GRIK3: variants seen among roughly 807,000 people sequenced by gnomAD.
GRIK3 encodes the protein glutamate ionotropic receptor kainate type subunit 3.
Under a neutral mutation model 102.5 loss-of-function variants are expected in GRIK3, and 29 were observed. That is an observed-to-expected ratio of 0.28 (90% CI 0.21 to 0.39). The LOEUF (loss-of-function observed/expected upper bound fraction) is 0.39, where lower values mean the gene tolerates loss of function less well. GRIK3 is among the 10% of genes least tolerant of loss of function. The pLI, the probability that GRIK3 is intolerant of heterozygous loss-of-function variation, is 1.00. For missense variants in GRIK3, 908 were observed against 1,252.4 expected, an observed-to-expected ratio of 0.73 and a Z score of 4.15; for synonymous variants, 511 against 504.9, an observed-to-expected ratio of 1.01 and a Z score of -0.16.
chr1:36,839,513 C>T (rs1303026426), intron 10 of GRIK3, among the ~76,000 whole-genome samples: 2 of 151,778 alleles, frequency 1.3e-5, no homozygotes, highest in African/African-American at 2.4e-5. Flanking sequence ...TTCCTGAAGC[C>T]CCCTCCCCAG....
intron 1 of GRIK3, among the ~76,000 whole-genome samples, chr1:36,986,592 C>T (rs892095886): frequency 1.3e-5 from 2 of 152,194 alleles, no homozygotes; most frequent in Admixed American, 6.5e-5. Context: ...ACAATCTCTA[C>T]CCTCAAGGAG....
At chr1:36,949,532 G>GTCTT (rs1252071882) in intron 1 of GRIK3, among the ~76,000 whole-genome samples, 2 of 144,396 alleles carry the variant, frequency 1.4e-5, no homozygotes, top group African/African-American at 5.1e-5. Context: ...TACTTTGCAT[G>GTCTT]TCTTTCTTTT....
rs1642425597 is a variant in GRIK3 at position 36,800,246 on chromosome 1, C to T, written c.*1605G>A. Reference sequence around the variant, plus strand: ...AGGTGGGAGGGGAGTGGCTGGTATGCCCCAGTTCTCATCCAGAATCCCCAG... The same window carrying T: ...AGGTGGGAGGGGAGTGGCTGGTATGTCCCAGTTCTCATCCAGAATCCCCAG... On this transcript the variant is annotated 3_prime_UTR_variant, in exon 16 of 16. Coordinates refer to ENST00000373091, the MANE Select transcript of GRIK3 (RefSeq NM_000831.4). 3.9e-5 allele frequency: 6 copies of T among 152,138 alleles called. No individual in the cohort carries two copies. Among genetic ancestry groups the T allele is most frequent in the Admixed American group, 3.9e-4 (6 of 15,276 alleles). The allele number at this position is 152,138 out of a possible 1,614,324, so 9.4% of individuals were successfully genotyped here.
intron 1 of GRIK3, among the ~76,000 whole-genome samples, chr1:36,965,635 C>G (rs1231122148): frequency 6.6e-6 from 1 of 152,144 alleles, no homozygotes. Flanking sequence ...CATTTCTTCT[C>G]CATTTGACCC....
chr1:36,859,687 G>A (rs562793126), intron 6 of GRIK3, among the ~76,000 whole-genome samples, 157 bp downstream of exon 6: 5 of 152,152 alleles, frequency 3.3e-5, no homozygotes, highest in Non-Finnish European at 5.9e-5. Context: ...TCTGTTTCAC[G>A]TTTGTGTCCC....
rs116146489 is a variant in GRIK3, at chr1:36,948,266, C to T, written c.116-57170G>A. On this transcript the variant is annotated intron_variant, in intron 1 of 15. Coordinates refer to ENST00000373091, the MANE Select transcript of GRIK3 (RefSeq NM_000831.4). ...CTGAAGCACACTCTAGGAAGGCTGA[C>T]GCCCTACTATGTGCCAATGCTGGAG... 3.0e-3 allele frequency among the ~76,000 whole-genome samples: 459 copies of T among 152,302 alleles called. 5 individuals carry two copies. Among genetic ancestry groups the T allele is most frequent in the African/African-American group, 0.01 (417 of 41,562 alleles).
chr1:36,985,042 T>C (rs1472398077), intron 1 of GRIK3, among the ~76,000 whole-genome samples: 1 of 152,164 alleles, frequency 6.6e-6, no homozygotes, highest in Admixed American at 6.5e-5. Flanking sequence ...AAGATGATTC[T>C]GGGCACTGGC....
Position 36,947,307 on chromosome 1 carries a change from C to T in GRIK3, c.116-56211G>A, listed in dbSNP as rs115143069. ...GCATCTGCCCCTCCTCTTGCCCTGC[C>T]CCCATCACTACCTGCACCCAGGCCT... On this transcript the variant is annotated intron_variant, in intron 1 of 15. Coordinates refer to ENST00000373091, the MANE Select transcript of GRIK3 (RefSeq NM_000831.4). 4.1e-3 allele frequency among the ~76,000 whole-genome samples: 619 copies of T among 152,210 alleles called. 8 individuals are homozygous for T. The highest frequency in any genetic ancestry group is 0.014 in the African/African-American group (580 of 41,524).
chr1:36,830,904 G>T (rs1344573957), intron 10 of GRIK3, among the ~76,000 whole-genome samples: 1 of 150,940 alleles, frequency 6.6e-6, no homozygotes, highest in East Asian at 2.0e-4. Context: ...CGGAATAGCA[G>T]ATACAAGCCA....
intron 1 of GRIK3, among the ~76,000 whole-genome samples, chr1:36,896,579 G>T (rs565284751): frequency 6.6e-6 from 1 of 152,156 alleles, no homozygotes; most frequent in South Asian, 2.1e-4. Flanking sequence ...AGGCAGAAAA[G>T]GGCTGGAAGG....
chr1:36,874,896 A>G (rs1640896873), intron 3 of GRIK3, among the ~76,000 whole-genome samples: 1 of 152,214 alleles, frequency 6.6e-6, no homozygotes, highest in South Asian at 2.1e-4. Context: ...AAAGGAGACC[A>G]GAGGCTCCTC....
chr1:37,011,110 T>C (rs116878080), intron 1 of GRIK3, among the ~76,000 whole-genome samples: 2,020 of 152,284 alleles, frequency 0.013, 18 homozygotes, highest in Admixed American at 0.021. Context: ...AGCACTATGA[T>C]TGCACCAGGA....
chr1:36,856,057 G>C (rs756235402), intron 7 of GRIK3, among the ~76,000 whole-genome samples: 48 of 152,220 alleles, frequency 3.2e-4, no homozygotes, highest in Non-Finnish European at 5.3e-4. Context: ...GGGAGCTGGG[G>C]ACCGAGGGGT....
At chr1:37,002,228 G>T (rs183857509) in intron 1 of GRIK3, among the ~76,000 whole-genome samples, 320 of 152,226 alleles carry the variant, frequency 2.1e-3, no homozygotes, top group Non-Finnish European at 3.8e-3. Context: ...ATATAACAAA[G>T]AAAAAATTAG....
chr1:36,898,469 AC>A (rs1201906671), intron 1 of GRIK3, among the ~76,000 whole-genome samples: 1 of 152,184 alleles, frequency 6.6e-6, no homozygotes, highest in Non-Finnish European at 1.5e-5. Context: ...TCTATTATGT[AC>A]CCACAAAAAA....
intron 1 of GRIK3, among the ~76,000 whole-genome samples, chr1:36,964,457 C>T (rs1642059195): frequency 1.3e-5 from 2 of 152,214 alleles, no homozygotes; most frequent in African/African-American, 4.8e-5. Flanking sequence ...CATCCATAGA[C>T]AAGTCCGGCC....
rs1459734797 is a variant in GRIK3 at position 36,806,168 on chromosome 1, G to T, written c.2250C>A (p.Asn750Lys). ...STTIEYVTQRNCNLTQIGGLI... is the reference protein window; with the variant it reads ...STTIEYVTQRKCNLTQIGGLI... ...GGCCCCCGATCTGGGTGAGGTTGCA[G>T]TTCCTCTGCGTGACGTACTCGATGG... Residue 750 changes from asparagine to lysine, a missense_variant, in exon 14 of 16, where the codon AAC becomes AAA. Transcript: ENST00000373091. This position sits in a 1 kb window ranked among gnomAD's most constrained non-coding sequence, Gnocchi z 4.0. The T allele has an allele frequency of 6.2e-7, 1 of 1,614,168 alleles. No homozygotes were observed.
At chr1:36,837,332 G>A (rs1323376488) in intron 10 of GRIK3, among the ~76,000 whole-genome samples, 4 of 152,150 alleles carry the variant, frequency 2.6e-5, no homozygotes, top group African/African-American at 9.7e-5. Flanking sequence ...TTCTCCAGGG[G>A]GCTTTTGATG....
chr1:36,830,677 G>A (rs1371516187), intron 10 of GRIK3, among the ~76,000 whole-genome samples: 1 of 151,952 alleles, frequency 6.6e-6, no homozygotes, highest in Non-Finnish European at 1.5e-5. Context: ...GGGCATGGTG[G>A]CATGCACCTG....
Sources: gnomAD v4.1 joint callset for allele counts (sites outside exome capture counted in the v4.1 genomes callset) on GRCh38, gnomAD v4.1.1 for gene constraint, Gnocchi (gnomAD v3.1) non-coding constraint, MANE v1.5 for transcripts, NCBI Gene and HGNC (gene_info 2026-07-23, HGNC 2026-07-21) for gene names.